The following CELF4 variants were observed in gnomAD, a reference collection of about 807,000 sequenced individuals.
CELF4 encodes the protein CUG-BP- and ETR-3-like factor 4.
CELF4 carries 18 observed loss-of-function variants against 59.9 expected under a neutral mutation model. That is an observed-to-expected ratio of 0.30 (90% CI 0.21 to 0.45). The LOEUF (loss-of-function observed/expected upper bound fraction) is 0.45, where lower values mean the gene tolerates loss of function less well. Ranked by LOEUF, CELF4 falls within the 20% of genes least tolerant of loss-of-function variation. CELF4 has a pLI of 1.00. For missense variants in CELF4, 456 were observed against 689.0 expected (o/e 0.66, Z 3.79); for synonymous variants, 261 against 267.1 (o/e 0.98, Z 0.22).
At chr18:37,444,132 C>T (rs571721558) in intron 2 of CELF4, among the ~76,000 whole-genome samples, 7 of 152,240 alleles carry the variant, frequency 4.6e-5, no homozygotes, top group African/African-American at 1.4e-4. Context: ...GCAAAATGCT[C>T]GATCAGAACC....
intron 2 of CELF4, among the ~76,000 whole-genome samples, chr18:37,349,335 G>C (rs957901230): frequency 6.6e-6 from 1 of 152,210 alleles, no homozygotes; most frequent in Non-Finnish European, 1.5e-5. Flanking sequence ...GGAGAAACTG[G>C]AAACTTCCTT....
rs116189468 is a variant in CELF4, at chr18:37,355,378, T to C, written c.370-33497A>G. Among the ~76,000 whole-genome samples the C allele has an allele frequency of 4.3e-3, 655 of 152,242 alleles. 5 individuals carry two copies. The highest frequency in any genetic ancestry group is 0.015 in the African/African-American group (633 of 41,542). On this transcript the variant is annotated intron_variant, in intron 2 of 12. Transcript: ENST00000420428. The stretch of plus-strand genomic sequence containing the variant: ...ACATGGAAAGCTATAAACTTTAAAC[T>C]GAAAACAGACCTGGCCTGGTGCAGT...
intron 2 of CELF4, among the ~76,000 whole-genome samples, chr18:37,372,913 G>C (rs1036316293): frequency 2.0e-5 from 3 of 152,104 alleles, no homozygotes; most frequent in African/African-American, 7.2e-5. Context: ...ACCTGTTGAG[G>C]GCTGGGGTGA....
intron 1 of CELF4, among the ~76,000 whole-genome samples, chr18:37,495,245 G>C (rs955545233): frequency 2.0e-5 from 3 of 152,154 alleles, no homozygotes; most frequent in Non-Finnish European, 4.4e-5. Context: ...GGCTCTCAGA[G>C]GCCTCCTTGG....
At chr18:37,301,518 T>C (rs1285573315) in intron 3 of CELF4, among the ~76,000 whole-genome samples, 1 of 152,162 alleles carries the variant, frequency 6.6e-6, no homozygotes, top group African/African-American at 2.4e-5. Flanking sequence ...CTCCATCTGA[T>C]TGCACTGGGG....
At chr18:37,461,172 C>G (rs1179415248) in intron 2 of CELF4, among the ~76,000 whole-genome samples, 2 of 152,196 alleles carry the variant, frequency 1.3e-5, no homozygotes, top group African/African-American at 4.8e-5. Context: ...GGCTGATTCC[C>G]CATTGAGTCC....
At chr18:37,383,599 T>TG (rs2099066657) in intron 2 of CELF4, among the ~76,000 whole-genome samples, 1 of 152,230 alleles carries the variant, frequency 6.6e-6, no homozygotes, top group Non-Finnish European at 1.5e-5. Context: ...GCCCCAGGAA[T>TG]TTTTCCTCCC....
In CELF4 at chr18:37,536,060, G is replaced by A. The variant is rs145306005; in HGVS notation, c.286+29296C>T. On this transcript the variant is annotated intron_variant, in intron 1 of 12. Transcript: ENST00000420428. ...GCTGGGAGCCCAAGTTGCATCCTGGGTGTCATCAATGCTCCTCTGGAACCA... is the reference window on the plus strand; with the variant it reads ...GCTGGGAGCCCAAGTTGCATCCTGGATGTCATCAATGCTCCTCTGGAACCA... 1.1e-4 allele frequency among the ~76,000 whole-genome samples: 17 copies of A among 152,246 alleles called. No individual in the cohort carries two copies. The East Asian group carries it at 3.1e-3, about 28-fold the overall frequency.
chr18:37,472,094 T>C lies in CELF4; in HGVS notation c.369+13431A>G, dbSNP rs1164020838. 1.1e-4 allele frequency among the ~76,000 whole-genome samples: 16 copies of C among 151,966 alleles called. No homozygotes were observed. In the East Asian group the frequency reaches 2.5e-3, roughly 24 times the overall value. On this transcript the variant is annotated intron_variant, in intron 2 of 12. Transcript: ENST00000420428. The stretch of plus-strand genomic sequence containing the variant: ...GGAGTGAAGAATGGTGAACAGGGAG[T>C]GGAGAAGGAGGTATGATGTAGGCCT...
intron 2 of CELF4, among the ~76,000 whole-genome samples, chr18:37,452,882 G>A (rs989138664): frequency 3.3e-5 from 5 of 152,034 alleles, no homozygotes; most frequent in Admixed American, 3.3e-4. Flanking sequence ...AGTACCCACT[G>A]CCCCCACCCC....
intron 6 of CELF4, 139 bp from the exon 7 acceptor site, chr18:37,273,302 G>A: frequency 6.9e-7 from 1 of 1,439,036 alleles, no homozygotes; most frequent in South Asian, 1.5e-5. Flanking sequence ...AAGCCCTGAT[G>A]CCTCTCCCAT....
At chr18:37,519,473 G>T (rs2099954638) in intron 1 of CELF4, among the ~76,000 whole-genome samples, 1 of 151,154 alleles carries the variant, frequency 6.6e-6, no homozygotes, top group African/African-American at 2.4e-5. Flanking sequence ...GATTAAAAAA[G>T]AAAAAAAAAT....
intron 1 of CELF4, among the ~76,000 whole-genome samples, chr18:37,498,621 C>A (rs190970120): frequency 6.6e-6 from 1 of 152,104 alleles, no homozygotes; most frequent in Admixed American, 6.5e-5. Context: ...CCGACCATCC[C>A]AGGCTGCAGC....
At chr18:37,368,060 G>A (rs1052189836) in intron 2 of CELF4, among the ~76,000 whole-genome samples, 4 of 152,104 alleles carry the variant, frequency 2.6e-5, no homozygotes, top group Non-Finnish European at 2.9e-5. Flanking sequence ...TTCCAGCACC[G>A]ACCTGAACAC....
At chr18:37,328,282 G>A (rs1195474111) in intron 2 of CELF4, among the ~76,000 whole-genome samples, 4 of 152,218 alleles carry the variant, frequency 2.6e-5, no homozygotes, top group African/African-American at 9.6e-5. Flanking sequence ...GCAAGAGCAG[G>A]TTCTCAGCAA....
chr18:37,540,961 A>G (rs1333456879), intron 1 of CELF4, among the ~76,000 whole-genome samples: 1 of 151,178 alleles, frequency 6.6e-6, no homozygotes, highest in East Asian at 1.9e-4. Context: ...GGGAAGGAGG[A>G]CTCCCAGCAT....
At chr18:37,445,944 C>T (rs1178780833) in intron 2 of CELF4, among the ~76,000 whole-genome samples, 1 of 152,140 alleles carries the variant, frequency 6.6e-6, no homozygotes, top group African/African-American at 2.4e-5. Flanking sequence ...CCCACGTGGA[C>T]CCAGCTTTTA....
At chr18:37,342,139 C>T (rs944786296) in intron 2 of CELF4, among the ~76,000 whole-genome samples, 2 of 151,964 alleles carry the variant, frequency 1.3e-5, no homozygotes, top group Non-Finnish European at 2.9e-5. Flanking sequence ...TTAACTTGGT[C>T]TCTTAGAGCC....
intron 3 of CELF4, among the ~76,000 whole-genome samples, chr18:37,304,262 G>A (rs571871306): frequency 1.3e-5 from 2 of 152,144 alleles, no homozygotes; most frequent in South Asian, 2.1e-4. Context: ...AGCAATGCAC[G>A]GAAAACACAT....
Sources: gnomAD v4.1 joint callset for allele counts (sites outside exome capture counted in the v4.1 genomes callset) on GRCh38, gnomAD v4.1.1 for gene constraint, MANE v1.5 for transcripts, NCBI Gene and HGNC (gene_info 2026-07-23, HGNC 2026-07-21) for gene names.